The following WWOX variants were observed in gnomAD, a reference collection of about 807,000 sequenced individuals.
The protein encoded by WWOX is WW domain containing oxidoreductase.
A neutral mutation model predicts 46.2 loss-of-function variants in WWOX; 69 were observed. The ratio of observed to expected loss-of-function variants is 1.49; its 90% CI spans 1.23 to 1.82. The LOEUF is 1.82. Among genes scored for constraint, WWOX ranks in the 40% most tolerant of loss-of-function variants. The probability of loss-of-function intolerance (pLI) is 0.00; values close to 1 mark genes in which losing one functional copy is unlikely to be tolerated. For missense variants in WWOX, 919 were observed against 542.6 expected (o/e 1.69, Z -6.89); for synonymous variants, 359 against 202.6 (o/e 1.77, Z -6.56).
chr16:79,164,423 C>T (rs940672849), intron 8 of WWOX, among the ~76,000 whole-genome samples: 6 of 152,174 alleles, frequency 3.9e-5, no homozygotes, highest in African/African-American at 1.4e-4. Context: ...CTTGTGCCCG[C>T]CTCTCTGACT....
intron 8 of WWOX, among the ~76,000 whole-genome samples, chr16:78,753,607 C>T (rs934464644): frequency 1.7e-4 from 26 of 151,572 alleles, no homozygotes; most frequent in African/African-American, 4.4e-4. Context: ...TGCGACCAGC[C>T]TGGCTAACAT....
At chr16:78,760,835 G>A (rs1459922568) in intron 8 of WWOX, among the ~76,000 whole-genome samples, 3 of 152,176 alleles carry the variant, frequency 2.0e-5, no homozygotes, top group Non-Finnish European at 4.4e-5. Context: ...AAAGAAAGAG[G>A]TTTAATGAAC....
intron 8 of WWOX, among the ~76,000 whole-genome samples, chr16:78,827,459 A>C (rs8048851): frequency 0.23 from 34,475 of 151,772 alleles, 3,951 homozygotes; most frequent in Admixed American, 0.27. Flanking sequence ...CTGTTCTGCA[A>C]GTTTCTCCTT....
At chr16:78,997,961 C>G (rs140844652) in intron 8 of WWOX, among the ~76,000 whole-genome samples, 1 of 152,126 alleles carries the variant, frequency 6.6e-6, no homozygotes, top group African/African-American at 2.4e-5. Context: ...ACAGCAATCT[C>G]TGCCTCCTGG....
chr16:78,332,873 C>A (rs919135400), intron 5 of WWOX, among the ~76,000 whole-genome samples: 3 of 151,968 alleles, frequency 2.0e-5, no homozygotes, highest in Non-Finnish European at 4.4e-5. Flanking sequence ...TCGCACAGTT[C>A]AGTGTAAAGT....
intron 8 of WWOX, among the ~76,000 whole-genome samples, chr16:78,446,177 A>G (rs1307663864): frequency 1.3e-5 from 2 of 152,250 alleles, no homozygotes; most frequent in Non-Finnish European, 2.9e-5. Context: ...TATCAGTTTA[A>G]TGTACAATGG....
chr16:78,933,093 G>A (rs2045659503), intron 8 of WWOX, among the ~76,000 whole-genome samples: 1 of 152,168 alleles, frequency 6.6e-6, no homozygotes, highest in Admixed American at 6.5e-5. Flanking sequence ...AGCATCAGTT[G>A]CTACCCCTGA....
At chr16:79,141,984 G>A (rs541586842) in intron 8 of WWOX, among the ~76,000 whole-genome samples, 36 of 152,320 alleles carry the variant, frequency 2.4e-4, no homozygotes, top group African/African-American at 8.4e-4. Flanking sequence ...ATGTCTACAC[G>A]GTGTTCTCCA....
chr16:79,021,847 A>G (rs578119338), intron 8 of WWOX, among the ~76,000 whole-genome samples: 1 of 152,150 alleles, frequency 6.6e-6, no homozygotes, highest in Non-Finnish European at 1.5e-5. Flanking sequence ...TCACACATAC[A>G]CACAAAAAGT....
At chr16:79,069,964 G>C (rs1418605614) in intron 8 of WWOX, among the ~76,000 whole-genome samples, 1 of 152,130 alleles carries the variant, frequency 6.6e-6, no homozygotes, top group Non-Finnish European at 1.5e-5. Context: ...GGATGTTCAA[G>C]GCAACCAATT....
intron 8 of WWOX, among the ~76,000 whole-genome samples, chr16:78,488,235 T>C (rs138214818): frequency 2.2e-4 from 33 of 152,318 alleles, no homozygotes; most frequent in Non-Finnish European, 3.2e-4. Context: ...CGCTGGAAGT[T>C]GGCATAGTCT....
intron 8 of WWOX, among the ~76,000 whole-genome samples, chr16:78,862,477 A>G (rs2043912135): frequency 6.6e-6 from 1 of 151,966 alleles, no homozygotes; most frequent in Non-Finnish European, 1.5e-5. Flanking sequence ...TAAACACACA[A>G]GTGCATACAC....
intron 8 of WWOX, among the ~76,000 whole-genome samples, chr16:78,718,183 T>C (rs550984807): frequency 1.4e-5 from 2 of 145,690 alleles, no homozygotes; most frequent in Non-Finnish European, 3.0e-5. Context: ...CAAGTTATTA[T>C]TTTTTATTGG....
intron 8 of WWOX, among the ~76,000 whole-genome samples, chr16:78,573,129 C>A (rs2044760255): frequency 6.6e-6 from 1 of 151,984 alleles, no homozygotes; most frequent in South Asian, 2.1e-4. Context: ...ACCAAAAATA[C>A]AAAAAATTAG....
At chr16:78,967,531 C>T (rs2046386201) in intron 8 of WWOX, among the ~76,000 whole-genome samples, 1 of 147,716 alleles carries the variant, frequency 6.8e-6, no homozygotes, top group South Asian at 2.2e-4. Context: ...TTTCAAACTC[C>T]TGAGTCCAGG....
chr16:78,799,471 A>G (rs2050828780), intron 8 of WWOX, among the ~76,000 whole-genome samples: 1 of 152,136 alleles, frequency 6.6e-6, no homozygotes. Flanking sequence ...TAGAGTCTCA[A>G]AGTTGGAGGT....
At chr16:78,484,613 T>C (rs181279650) in intron 8 of WWOX, among the ~76,000 whole-genome samples, 1 of 152,208 alleles carries the variant, frequency 6.6e-6, no homozygotes, top group African/African-American at 2.4e-5. Context: ...ATTATCAAGG[T>C]GGCAAACGGT....
chr16:78,728,673 C>T (rs949012352), intron 8 of WWOX, among the ~76,000 whole-genome samples: 4 of 152,214 alleles, frequency 2.6e-5, no homozygotes, highest in African/African-American at 7.2e-5. Flanking sequence ...CTTGACTGCA[C>T]TTTGACAACC....
At chr16:78,594,752 T>C (rs997769050) in intron 8 of WWOX, among the ~76,000 whole-genome samples, 5 of 152,222 alleles carry the variant, frequency 3.3e-5, no homozygotes, top group East Asian at 1.9e-4. Flanking sequence ...TTGACACTTA[T>C]TTAAGTTTTT....
Sources: gnomAD v4.1 joint callset for allele counts (sites outside exome capture counted in the v4.1 genomes callset) on GRCh38, gnomAD v4.1.1 for gene constraint, MANE v1.5 for transcripts, NCBI Gene and HGNC (gene_info 2026-07-23, HGNC 2026-07-21) for gene names.